Variants in ALS2 observed in about 807,000 individuals in gnomAD.
ALS2 encodes the protein alsin.
ALS2 carries 117 observed loss-of-function variants against 203.4 expected under a neutral mutation model. The observed-to-expected ratio is 0.58, with a 90% CI of 0.50 to 0.67. The LOEUF (loss-of-function observed/expected upper bound fraction) is 0.67. ALS2 is among the 30% of genes least tolerant of loss of function. The pLI is 0.00. For synonymous variants in ALS2, 718 were observed against 725.9 expected, an observed-to-expected ratio of 0.99 and a Z score of 0.17; for missense variants, 1,715 against 1,989.4, an observed-to-expected ratio of 0.86 and a Z score of 2.62.
chr2:201,742,698 G>A lies in ALS2; in HGVS notation c.2171-844C>T, dbSNP rs138491101. ...AGGTAATAAAAACAAAAACACAAAT[G>A]CAGACAGTCCTCAGCTTACAAAGGG... On this transcript the variant is annotated intron_variant, in intron 10 of 33. Coordinates refer to ENST00000264276, the MANE Select transcript of ALS2 (RefSeq NM_020919.4). 8.0e-3 allele frequency among the ~76,000 whole-genome samples: 1,224 copies of A among 152,252 alleles called. 4 individuals carry two copies. The highest frequency in any genetic ancestry group is 0.014 in the Non-Finnish European group (925 of 68,008).
intron 3 of ALS2, chr2:201,762,780 G>A (rs1176172010): frequency 6.6e-6 from 1 of 152,652 alleles, no homozygotes; most frequent in African/African-American, 2.4e-5. Context: ...AGAGGCCCCA[G>A]AGACCCTGGG....
intron 19 of ALS2, 84 bp downstream of exon 19, chr2:201,726,400 A>C: frequency 8.1e-7 from 1 of 1,232,344 alleles, no homozygotes; most frequent in South Asian, 1.2e-5. Flanking sequence ...TACTTGTTTG[A>C]AAAGCAGCTC....
intron 5 of ALS2, among the ~76,000 whole-genome samples, chr2:201,755,332 G>A (rs577594349): frequency 1.3e-5 from 2 of 152,054 alleles, no homozygotes; most frequent in African/African-American, 2.4e-5. Flanking sequence ...GCATGATCTC[G>A]GCTCGCAGGA....
chr2:201,778,453 GT>G lies in ALS2; in HGVS notation c.-61+2423del. On this transcript the variant is annotated intron_variant, in intron 1 of 33. Coordinates refer to ENST00000264276, the MANE Select transcript of ALS2 (RefSeq NM_020919.4). ...TTCCTCTACCCACCTGGATCAATCA[GT>G]TCAGCTACATGCAGGCAAACATCAA... The G allele has an allele frequency of 1.3e-5, 2 of 152,052 alleles. 1 individual carries two copies. Among genetic ancestry groups the G allele is most frequent in the East Asian group, 3.9e-4 (2 of 5,190 alleles). 9.4% of individuals were successfully genotyped at this position (152,052 alleles called of 1,614,324 possible). A position where few individuals can be genotyped will look rare whatever the true frequency, so the allele number is the denominator to read the frequency against.
At chr2:201,711,461 A>G (rs536759450) in intron 25 of ALS2, among the ~76,000 whole-genome samples, 4 of 152,322 alleles carry the variant, frequency 2.6e-5, no homozygotes, top group East Asian at 1.9e-4. Context: ...GATAAATACA[A>G]TATTAGCTTG....
At chr2:201,704,334 G>A in intron 32 of ALS2, 116 bp from the exon 33 acceptor site, 1 of 1,479,166 alleles carries the variant, frequency 6.8e-7, no homozygotes, top group Non-Finnish European at 9.4e-7. Flanking sequence ...TGTCACAGTG[G>A]AATGGGTTAA....
intron 2 of ALS2, 59 bp downstream of exon 2, chr2:201,768,807 G>A (rs1376555875): frequency 1.6e-5 from 24 of 1,512,114 alleles, no homozygotes; most frequent in Non-Finnish European, 2.1e-5. Flanking sequence ...CTACACATAT[G>A]TGAAGCTGTT....
chr2:201,705,483 A>C, intron 29 of ALS2, 22 bp from the exon 30 acceptor site: 1 of 1,593,170 alleles, frequency 6.3e-7, no homozygotes, highest in Non-Finnish European at 8.6e-7. Flanking sequence ...TCCATAAATT[A>C]TTAATATAAG....
At position 201,707,913 on chromosome 2, in the gene ALS2, A is replaced by G. The variant is rs1306053174; in HGVS notation, c.4359T>C (p.Phe1453=). The change falls in exon 28 of 34, where the codon TTT becomes TTC. Residue 1453 remains phenylalanine, a synonymous_variant. Transcript: ENST00000264276. ...ATCGGGAATCTGACTTCCCAGTGCA[A>G]AAAGACTTCCTTTCGGTTGGCAGAG... ...SAPLPTERKS[F]CTGKSDSRSE... 6.2e-7 allele frequency: 1 copy of G among 1,613,712 alleles called. No individual in the cohort carries two copies. Among genetic ancestry groups the G allele is most frequent in the Admixed American group, 1.7e-5 (1 of 60,004 alleles).
intron 12 of ALS2, among the ~76,000 whole-genome samples, chr2:201,737,134 C>G (rs1424325007): frequency 6.6e-6 from 1 of 152,170 alleles, no homozygotes; most frequent in African/African-American, 2.4e-5. Flanking sequence ...TATGTTTCTA[C>G]CACTTTTTTG....
At chr2:201,766,693 AC>A (rs1694102378) in intron 3 of ALS2, among the ~76,000 whole-genome samples, 1 of 124,296 alleles carries the variant, frequency 8.0e-6, no homozygotes, top group South Asian at 2.6e-4. Context: ...GAACCAACCT[AC>A]ATGTCCAACA....
intron 12 of ALS2, among the ~76,000 whole-genome samples, chr2:201,738,091 G>C (rs12151455): frequency 0.56 from 85,329 of 151,962 alleles, 26,660 homozygotes; most frequent in Admixed American, 0.72. Context: ...CTTGAGCCCA[G>C]GAGTTCCTAA....
chr2:201,733,228 T>C (rs934956149), intron 13 of ALS2, 48 bp downstream of exon 13: 4 of 1,597,024 alleles, frequency 2.5e-6, no homozygotes, highest in African/African-American at 1.3e-5. Context: ...CAAACAACTA[T>C]GATCCTTGGC....
In ALS2 at chr2:201,744,149, C is replaced by T. The variant is rs1019969379; in HGVS notation, c.2170+109G>A. The T allele has an allele frequency of 1.2e-4, 153 of 1,227,234 alleles. 1 individual carries two copies. In the African/African-American group the frequency reaches 2.1e-3, roughly 17 times the overall value. 76.0% of individuals were successfully genotyped at this position (1,227,234 alleles called of 1,614,324 possible). On this transcript the variant is annotated intron_variant, in intron 10 of 33. Coordinates refer to ENST00000264276, the MANE Select transcript of ALS2 (RefSeq NM_020919.4). Reference sequence around the variant, plus strand: ...TGTGTACACACACACAAAGACAGTGCATAGCAAGAAGTAAACCATAAACTA... The same window carrying T: ...TGTGTACACACACACAAAGACAGTGTATAGCAAGAAGTAAACCATAAACTA...
intron 19 of ALS2, 101 bp downstream of exon 19, chr2:201,726,383 A>T: frequency 9.1e-7 from 1 of 1,095,120 alleles, no homozygotes; most frequent in Non-Finnish European, 1.4e-6. Context: ...TAACAACAAA[A>T]ATCTACTACT....
intron 13 of ALS2, among the ~76,000 whole-genome samples, chr2:201,732,399 C>CAAA (rs11288102): frequency 7.0e-5 from 6 of 85,144 alleles, no homozygotes; most frequent in African/African-American, 1.7e-4. Flanking sequence ...ACTAAAAATA[C>CAAA]AAAAAAAAAA....
At chr2:201,723,548 G>T in intron 21 of ALS2, 107 bp from the exon 22 acceptor site, 2 of 950,696 alleles carry the variant, frequency 2.1e-6, no homozygotes, top group Non-Finnish European at 3.4e-6. Context: ...GGTTGGTATT[G>T]CTTCCATTTT....
chr2:201,708,844 C>G (rs960328448), intron 27 of ALS2, among the ~76,000 whole-genome samples: 1 of 150,148 alleles, frequency 6.7e-6, no homozygotes, highest in Non-Finnish European at 1.5e-5. Context: ...TGTAGACTTA[C>G]ATCTTGCACC....
chr2:201,709,798 T>C, intron 27 of ALS2, 83 bp downstream of exon 27: 2 of 1,549,016 alleles, frequency 1.3e-6, no homozygotes, highest in Non-Finnish European at 1.8e-6. Context: ...ACTATTTTCT[T>C]GATGATTCAG....
Sources: gnomAD v4.1 joint callset for allele counts (sites outside exome capture counted in the v4.1 genomes callset) on GRCh38, gnomAD v4.1.1 for gene constraint, MANE v1.5 for transcripts, NCBI Gene and HGNC (gene_info 2026-07-23, HGNC 2026-07-21) for gene names.